Variants in MTUS2 observed in about 807,000 individuals in gnomAD.
The protein encoded by MTUS2 is microtubule associated scaffold protein 2.
In MTUS2, 40 loss-of-function variants were observed where a neutral mutation model predicts 114.1. The ratio of observed to expected loss-of-function variants is 0.35; its 90% confidence interval spans 0.27 to 0.46. MTUS2 has a LOEUF of 0.46. Ranked by LOEUF, MTUS2 falls within the 20% of genes least tolerant of loss-of-function variation. The probability of loss-of-function intolerance (pLI) is 1.00; values close to 1 mark genes in which losing one functional copy is unlikely to be tolerated. For missense variants in MTUS2, 1,679 were observed against 1,705.4 expected (o/e 0.98, Z 0.27); for synonymous variants, 688 against 672.0 (o/e 1.02, Z -0.37).
intron 6 of MTUS2, among the ~76,000 whole-genome samples, chr13:29,297,008 T>C (rs1385167618): frequency 2.0e-5 from 3 of 152,214 alleles, no homozygotes; most frequent in African/African-American, 7.2e-5. Flanking sequence ...GTATTCGCCA[T>C]AAAATCTTTG....
At chr13:28,907,274 A>G (rs1016668222) in intron 2 of MTUS2, among the ~76,000 whole-genome samples, 20 of 151,692 alleles carry the variant, frequency 1.3e-4, no homozygotes, top group Non-Finnish European at 2.8e-4. Flanking sequence ...GAAAGGAACA[A>G]CCGGTACCAG....
chr13:29,338,913 T>C (rs1037655586), intron 7 of MTUS2, among the ~76,000 whole-genome samples: 90 of 152,308 alleles, frequency 5.9e-4, no homozygotes, highest in African/African-American at 1.9e-3. Context: ...GTGTGGGCTC[T>C]GCAGGCTAAG....
chr13:28,848,241 C>T (rs1876018973), intron 2 of MTUS2, among the ~76,000 whole-genome samples: 1 of 152,132 alleles, frequency 6.6e-6, no homozygotes, highest in Non-Finnish European at 1.5e-5. Flanking sequence ...ATTGGTATAG[C>T]CCAATATACA....
intron 8 of MTUS2, among the ~76,000 whole-genome samples, chr13:29,438,722 C>A (rs1877606892): frequency 6.6e-6 from 1 of 152,148 alleles, no homozygotes; most frequent in African/African-American, 2.4e-5. Flanking sequence ...AGGGACAGAT[C>A]TATTGCTGCA....
intron 4 of MTUS2, among the ~76,000 whole-genome samples, chr13:29,088,582 C>T (rs562451306): frequency 2.6e-5 from 4 of 152,278 alleles, no homozygotes; most frequent in African/African-American, 7.2e-5. Flanking sequence ...AAGTCTCCCA[C>T]TATTATTGTG....
intron 5 of MTUS2, among the ~76,000 whole-genome samples, chr13:29,189,270 T>C (rs1230014686): frequency 6.6e-6 from 1 of 152,268 alleles, no homozygotes; most frequent in East Asian, 1.9e-4. Context: ...TGTGAACTTT[T>C]AGAAAGTATC....
chr13:29,504,910 C>T lies in MTUS2; in HGVS notation c.*1704C>T, dbSNP rs963158756. The T allele has an allele frequency of 4.3e-5, 10 of 232,306 alleles. No homozygotes were observed. The highest frequency in any genetic ancestry group is 1.2e-4 in the East Asian group (2 of 16,474). 14.4% of individuals were successfully genotyped at this position (232,306 alleles called of 1,614,324 possible). On this transcript the variant is annotated 3_prime_UTR_variant, in exon 16 of 16. Transcript: ENST00000612955. Reference sequence around the variant, plus strand: ...GGACGGGGTCGGCTTGTCCAGGGCACGCCTGCTCGGCACACGTGTTGCCAA... The same window carrying T: ...GGACGGGGTCGGCTTGTCCAGGGCATGCCTGCTCGGCACACGTGTTGCCAA...
intron 8 of MTUS2, among the ~76,000 whole-genome samples, chr13:29,411,758 C>T (rs1875255416): frequency 6.6e-6 from 1 of 152,160 alleles, no homozygotes; most frequent in African/African-American, 2.4e-5. Context: ...TCTTTTCAGA[C>T]TCATTTAAAG....
intron 5 of MTUS2, among the ~76,000 whole-genome samples, chr13:29,128,988 A>G (rs1273175821): frequency 6.6e-6 from 1 of 152,246 alleles, no homozygotes; most frequent in African/African-American, 2.4e-5. Context: ...ATTGTAAATG[A>G]TAAAACAAAG....
rs1219218416 is a variant in MTUS2 at position 29,100,989 on chromosome 13, G to C, written c.2644+19G>C. The C allele has an allele frequency of 6.5e-7, 1 of 1,528,322 alleles. No homozygotes were observed. The highest frequency in any genetic ancestry group is 2.2e-5 in the Admixed American group (1 of 46,070). The allele number at this position is 1,528,322 out of a possible 1,614,324, so 94.7% of individuals were successfully genotyped here. A position where few individuals can be genotyped will look rare whatever the true frequency, so the allele number is the denominator to read the frequency against. On this transcript the variant is annotated intron_variant, in intron 5 of 15. Transcript: ENST00000612955. ...GCCACCCGTAAGTGGGGTGGGGCAGGGTGGGGTGCCTTCACTGAATTAAAA... is the reference window on the plus strand; with the variant it reads ...GCCACCCGTAAGTGGGGTGGGGCAGCGTGGGGTGCCTTCACTGAATTAAAA...
At chr13:28,927,347 G>C (rs930723359) in intron 2 of MTUS2, among the ~76,000 whole-genome samples, 1 of 152,040 alleles carries the variant, frequency 6.6e-6, no homozygotes, top group Non-Finnish European at 1.5e-5. Context: ...GATCATTTGA[G>C]GTCAGGAGTT....
chr13:28,990,393 G>A (rs550434695), intron 2 of MTUS2, among the ~76,000 whole-genome samples: 1 of 152,102 alleles, frequency 6.6e-6, no homozygotes, highest in African/African-American at 2.4e-5. Flanking sequence ...GGGTGTAGTG[G>A]GGGCATGAGA....
rs1018253117 is a variant in MTUS2 at position 29,439,671 on chromosome 13, A to G, written c.3118-312A>G. Among the ~76,000 whole-genome samples, 7 of 152,194 alleles carry G rather than the reference A, an allele frequency of 4.6e-5. 1 individual carries two copies. Among genetic ancestry groups the G allele is most frequent in the South Asian group, 4.1e-4 (2 of 4,830 alleles). The stretch of plus-strand genomic sequence containing the variant: ...TAAACACTGTACAATAATATATGGC[A>G]ATAGATTAATGGGTGGGACACAAAT... On this transcript the variant is annotated intron_variant, in intron 8 of 15. Transcript: ENST00000612955.
In MTUS2 at chr13:29,412,398, C is replaced by T. The variant is rs186204429; in HGVS notation, c.3118-27585C>T. 4.6e-5 allele frequency among the ~76,000 whole-genome samples: 7 copies of T among 152,196 alleles called. No individual in the cohort carries two copies. The East Asian group carries it at 1.2e-3, about 25-fold the overall frequency. On this transcript the variant is annotated intron_variant, in intron 8 of 15. Coordinates refer to ENST00000612955, the MANE Select transcript of MTUS2 (RefSeq NM_001033602.4). ...ATTGGTTTTCTAATATGGAACCAACCTTAAATTACTGGCTTAAGTCCCAAT... is the reference window on the plus strand; with the variant it reads ...ATTGGTTTTCTAATATGGAACCAACTTTAAATTACTGGCTTAAGTCCCAAT...
At chr13:29,307,522 C>A (rs1276469394) in intron 6 of MTUS2, 12 of 1,255,758 alleles carry the variant, frequency 9.6e-6, no homozygotes, top group Non-Finnish European at 2.3e-6. Flanking sequence ...GACCTGCTGT[C>A]TTGAAAAACC....
At chr13:28,887,256 T>A (rs548048822) in intron 2 of MTUS2, among the ~76,000 whole-genome samples, 2 of 152,320 alleles carry the variant, frequency 1.3e-5, no homozygotes, top group African/African-American at 2.4e-5. Flanking sequence ...CTTTGGTGTA[T>A]AATCATGCTT....
intron 8 of MTUS2, among the ~76,000 whole-genome samples, chr13:29,418,838 A>G (rs1474751368): frequency 6.6e-6 from 1 of 152,202 alleles, no homozygotes; most frequent in Non-Finnish European, 1.5e-5. Context: ...CTCAAGTGAC[A>G]AATCCACTCT....
intron 2 of MTUS2, among the ~76,000 whole-genome samples, chr13:28,875,003 G>A (rs767391945): frequency 3.9e-5 from 6 of 152,170 alleles, no homozygotes; most frequent in Non-Finnish European, 8.8e-5. Context: ...GAGGTATTTT[G>A]TTGTCTCCCC....
In MTUS2 at chr13:29,325,487, A is replaced by AGGGG. The variant is rs1460957029; in HGVS notation, c.2905+777_2905+778insGGGG. ...AAAAAAAAAGAAAAGAAGAAGAGGA[A>AGGGG]GAGGGAGGAGGAGGAGGAGGAGAAG... On this transcript the variant is annotated intron_variant, in intron 7 of 15. Coordinates refer to ENST00000612955, the MANE Select transcript of MTUS2 (RefSeq NM_001033602.4). Among the ~76,000 whole-genome samples the AGGGG allele has an allele frequency of 4.5e-3, 548 of 122,352 alleles. 7 individuals carry two copies. The highest frequency in any genetic ancestry group is 0.017 in the Middle Eastern group (4 of 234). 80.3% of individuals were successfully genotyped at this position (122,352 alleles called of 152,430 possible).
Sources: allele counts gnomAD v4.1 joint callset (sites outside exome capture counted in the v4.1 genomes callset), GRCh38; gene constraint gnomAD v4.1.1; transcripts MANE v1.5; gene names NCBI Gene and HGNC (gene_info 2026-07-23, HGNC 2026-07-21).